The following CASP9 variants were observed in gnomAD, a reference collection of about 807,000 sequenced individuals.
The protein encoded by CASP9 is caspase-9.
Under a neutral mutation model 43.5 loss-of-function variants are expected in CASP9, and 29 were observed. The observed-to-expected ratio is 0.67, with a 90% CI of 0.50 to 0.91. The LOEUF is 0.91. CASP9 is among the 40% of genes least tolerant of loss of function. The probability of loss-of-function intolerance (pLI) is 0.00; values close to 1 mark genes in which losing one functional copy is unlikely to be tolerated. For synonymous variants in CASP9, 206 were observed against 211.9 expected (o/e 0.97, Z 0.24); for missense variants, 575 against 537.4 (o/e 1.07, Z -0.69).
rs1709584550 is a variant in CASP9, at chr1:15,507,853, C to T, written c.453+20G>A. ...GGGCCCAGAGCCCGAGCTACTGGCC[C>T]AAATTTCATGGAGACTCACCAAATC... On this transcript the variant is annotated intron_variant, in intron 3 of 8. Coordinates refer to ENST00000333868, the MANE Select transcript of CASP9 (RefSeq NM_001229.5). 6.2e-7 allele frequency: 1 copy of T among 1,613,692 alleles called. No homozygotes were observed. The highest frequency in any genetic ancestry group is 1.7e-5 in the Admixed American group (1 of 59,980).
chr1:15,509,842 T>A (rs1170594041), intron 2 of CASP9, among the ~76,000 whole-genome samples: 1 of 152,206 alleles, frequency 6.6e-6, no homozygotes, highest in Non-Finnish European at 1.5e-5. Context: ...AATAAATGAA[T>A]AAAGATGATT....
intron 6 of CASP9, among the ~76,000 whole-genome samples, chr1:15,497,855 A>C (rs936793603): frequency 4.6e-5 from 7 of 152,184 alleles, no homozygotes; most frequent in Non-Finnish European, 1.0e-4. Context: ...AATCTGGAAA[A>C]AGAGCAAAAT....
chr1:15,504,654 C>G lies in CASP9; in HGVS notation c.825G>C (p.Leu275=). The G allele has an allele frequency of 6.2e-7, 1 of 1,614,184 alleles. No homozygotes were observed. Among genetic ancestry groups the G allele is most frequent in the Non-Finnish European group, 8.5e-7 (1 of 1,180,024 alleles). ...TGAAAAAGAGCTTGGGCTTCCCTCC[C>G]AGGCTGGGGCAGCTGGTCCCATTGA... The part of the protein sequence containing the change: ...NIFNGTSCPS[L]GGKPKLFFIQ... The change falls in exon 6 of 9, where the codon CTG becomes CTC. Residue 275 remains leucine (L), a synonymous_variant. Coordinates refer to ENST00000333868, the MANE Select transcript of CASP9 (RefSeq NM_001229.5).
At chr1:15,505,061 C>T (rs1315831226) in intron 5 of CASP9, among the ~76,000 whole-genome samples, 4 of 152,208 alleles carry the variant, frequency 2.6e-5, no homozygotes, top group Admixed American at 1.3e-4. Context: ...GCATCAATAT[C>T]GCTTGGGAAC....
chr1:15,504,918 G>A (rs1003952159), intron 5 of CASP9, among the ~76,000 whole-genome samples, 160 bp from the exon 6 acceptor site: 1 of 152,224 alleles, frequency 6.6e-6, no homozygotes, highest in Non-Finnish European at 1.5e-5. Flanking sequence ...ACCCTGGTCA[G>A]CATCTGGAAA....
chr1:15,502,955 G>C (rs978007844), intron 6 of CASP9, among the ~76,000 whole-genome samples: 1 of 152,138 alleles, frequency 6.6e-6, no homozygotes, highest in Admixed American at 6.5e-5. Context: ...GTTGTCCTGA[G>C]GGAACTCTGC....
intron 1 of CASP9, among the ~76,000 whole-genome samples, chr1:15,522,213 G>A (rs1710231844): frequency 6.6e-6 from 1 of 152,212 alleles, no homozygotes; most frequent in African/African-American, 2.4e-5. Flanking sequence ...CATTGGTTGT[G>A]GTTTTTTACA....
Position 15,493,883 on chromosome 1 carries a change from A to C in CASP9, c.1158+9T>G. On this transcript the variant is annotated intron_variant, in intron 8 of 8. Coordinates refer to ENST00000333868, the MANE Select transcript of CASP9 (RefSeq NM_001229.5). Reference sequence around the variant, plus strand: ...TCCCCTCTCCTTTGCAGAGGAAGGCAGCACTCACCCTAAGCAGGAGGGACT... The same window carrying C: ...TCCCCTCTCCTTTGCAGAGGAAGGCCGCACTCACCCTAAGCAGGAGGGACT... 1 of 1,582,414 alleles carries C rather than the reference A, an allele frequency of 6.3e-7. No homozygotes were observed.
intron 2 of CASP9, 40 bp downstream of exon 2, chr1:15,518,070 C>T (rs376199615): frequency 3.4e-5 from 55 of 1,603,822 alleles, no homozygotes; most frequent in African/African-American, 4.0e-5. Flanking sequence ...CAAATGACTA[C>T]GTGTCATGCC....
chr1:15,511,817 A>AT (rs895449299), intron 2 of CASP9, among the ~76,000 whole-genome samples: 1 of 152,142 alleles, frequency 6.6e-6, no homozygotes, highest in Admixed American at 6.5e-5. Flanking sequence ...GCACTCTGTG[A>AT]TTTTCAATCA....
chr1:15,498,129 G>C (rs1709184504), intron 6 of CASP9, among the ~76,000 whole-genome samples: 1 of 152,158 alleles, frequency 6.6e-6, no homozygotes, highest in Non-Finnish European at 1.5e-5. Flanking sequence ...TGTCACCCAG[G>C]CTGGAGTGCA....
At position 15,491,576 on chromosome 1, in the gene CASP9, G is replaced by T; in HGVS notation, c.*1367C>A. The T allele has an allele frequency of 2.3e-6, 1 of 442,514 alleles. No individual in the cohort carries two copies. The highest frequency in any genetic ancestry group is 4.1e-6 in the Non-Finnish European group (1 of 242,124). The allele number at this position is 442,514 out of a possible 1,614,324, so 27.4% of individuals were successfully genotyped here. On this transcript the variant is annotated 3_prime_UTR_variant, in exon 9 of 9. Transcript: ENST00000333868. ...AGTTCAAGACCAGCCTGAGTAACAT[G>T]GCATAACTCTGTCTCTACTAAAAAT...
At chr1:15,508,424 T>C (rs1709607670) in intron 2 of CASP9, among the ~76,000 whole-genome samples, 1 of 152,204 alleles carries the variant, frequency 6.6e-6, no homozygotes, top group Admixed American at 6.5e-5. Flanking sequence ...TTTCTTTTTC[T>C]TTTTTGAGAC....
At chr1:15,514,530 T>C (rs1332182419) in intron 2 of CASP9, among the ~76,000 whole-genome samples, 1 of 152,206 alleles carries the variant, frequency 6.6e-6, no homozygotes. Context: ...CCAGAAGACC[T>C]AGGCCCAAGT....
chr1:15,494,724 G>A (rs575314793), intron 7 of CASP9, among the ~76,000 whole-genome samples: 138 of 151,876 alleles, frequency 9.1e-4, no homozygotes, highest in Non-Finnish European at 1.8e-3. Flanking sequence ...TTAGCCAGGC[G>A]TGGTGGCAGG....
intron 1 of CASP9, 137 bp from the exon 2 acceptor site, chr1:15,518,532 T>A: frequency 1.2e-6 from 1 of 855,736 alleles, no homozygotes; most frequent in Non-Finnish European, 1.8e-6. Context: ...GTGCACTGTG[T>A]GCCATTTACC....
intron 6 of CASP9, among the ~76,000 whole-genome samples, chr1:15,502,348 C>T (rs903265858): frequency 2.6e-5 from 4 of 152,240 alleles, no homozygotes; most frequent in South Asian, 4.1e-4. Flanking sequence ...GTGCCAGGCA[C>T]GGTGGCTCAT....
intron 1 of CASP9, chr1:15,520,108 G>C (rs1710121457): frequency 7.6e-6 from 1 of 132,390 alleles, no homozygotes; most frequent in Non-Finnish European, 1.6e-5. Flanking sequence ...GCACTGGACA[G>C]GTTCTCAGGA....
chr1:15,508,958 G>A (rs1709630998), intron 2 of CASP9, among the ~76,000 whole-genome samples: 1 of 152,190 alleles, frequency 6.6e-6, no homozygotes, highest in Non-Finnish European at 1.5e-5. Flanking sequence ...AGATTGGAGT[G>A]GGGCTGGCCA....
Sources: gnomAD v4.1 joint callset for allele counts (sites outside exome capture counted in the v4.1 genomes callset) on GRCh38, gnomAD v4.1.1 for gene constraint, MANE v1.5 for transcripts, NCBI Gene and HGNC (gene_info 2026-07-23, HGNC 2026-07-21) for gene names.